The following ELFN2 variants were observed in gnomAD, a reference collection of about 807,000 sequenced individuals.
ELFN2 encodes the protein protein phosphatase 1 regulatory subunit 29.
In ELFN2, 17 loss-of-function variants were observed where a neutral mutation model predicts 45.5. The ratio of observed to expected loss-of-function variants is 0.37; its 90% CI spans 0.26 to 0.56. The LOEUF is 0.56. ELFN2 is among the 20% of genes least tolerant of loss of function. ELFN2 has a pLI of 0.77. For missense variants in ELFN2, 922 were observed against 1,183.2 expected, an observed-to-expected ratio of 0.78 and a Z score of 3.24; for synonymous variants, 550 against 551.5, an observed-to-expected ratio of 1.00 and a Z score of 0.04.
At chr22:37,359,532 A>G (rs1931030413) in intron 1 of ELFN2, among the ~76,000 whole-genome samples, 3 of 152,158 alleles carry the variant, frequency 2.0e-5, no homozygotes, top group African/African-American at 7.2e-5. Flanking sequence ...TTCAGCCAAC[A>G]TTCTCGAGCG....
At chr22:37,419,646 G>A (rs1299835395) in intron 1 of ELFN2, among the ~76,000 whole-genome samples, 2 of 152,174 alleles carry the variant, frequency 1.3e-5, no homozygotes, top group Non-Finnish European at 1.5e-5. Context: ...CCAGGGACAC[G>A]GGGCCCCCAA....
At chr22:37,342,182 G>A (rs1234152607) in intron 2 of ELFN2, among the ~76,000 whole-genome samples, 4 of 152,202 alleles carry the variant, frequency 2.6e-5, no homozygotes, top group Non-Finnish European at 5.9e-5. Context: ...GACTTGAAGA[G>A]GCACGGAGAA....
chr22:37,346,450 C>A (rs528184464), intron 1 of ELFN2, among the ~76,000 whole-genome samples: 74 of 152,218 alleles, frequency 4.9e-4, no homozygotes, highest in Non-Finnish European at 8.7e-4. Flanking sequence ...TGTCCCCACC[C>A]TACACACCCC....
chr22:37,400,529 G>C (rs1327355478), intron 2 of ELFN2, among the ~76,000 whole-genome samples: 1 of 152,228 alleles, frequency 6.6e-6, no homozygotes, highest in African/African-American at 2.4e-5. Flanking sequence ...AATTGGAAGA[G>C]CTTAAACCTC....
At chr22:37,397,811 G>A (rs1417449791) in intron 2 of ELFN2, among the ~76,000 whole-genome samples, 1 of 152,070 alleles carries the variant, frequency 6.6e-6, no homozygotes, top group East Asian at 1.9e-4. Flanking sequence ...TACCGGGCTG[G>A]GCATTTTACA....
downstream of ELFN2, among the ~76,000 whole-genome samples, chr22:37,365,801 A>AT (rs1931190530): frequency 6.6e-6 from 1 of 152,184 alleles, no homozygotes; most frequent in Non-Finnish European, 1.5e-5. Context: ...ACTTAGAGAC[A>AT]TTCGTCCAAC....
Position 37,427,254 on chromosome 22 carries a change from C to T in ELFN2, c.-614+44G>A, listed in dbSNP as rs1372463641. The T allele has an allele frequency of 3.3e-4, 7 of 21,278 alleles. No individual in the cohort carries two copies. In the Admixed American group the frequency reaches 3.5e-3, roughly 11 times the overall value. The allele number at this position is 21,278 out of a possible 1,614,324, so 1.3% of individuals were successfully genotyped here. A position where few individuals can be genotyped will look rare whatever the true frequency, so the allele number is the denominator to read the frequency against. On this transcript the variant is annotated intron_variant, in intron 1 of 2. Coordinates refer to ENST00000402918, the MANE Select transcript of ELFN2 (RefSeq NM_052906.5). Reference sequence around the variant, plus strand: ...CCAGCCCCGACTCCCACCGTCTCCCCGGTCGGTCGGTCGCGGCGCTCGGAT... The same window carrying T: ...CCAGCCCCGACTCCCACCGTCTCCCTGGTCGGTCGGTCGCGGCGCTCGGAT...
chr22:37,355,780 G>T (rs1049983268), intron 1 of ELFN2, among the ~76,000 whole-genome samples: 14 of 152,190 alleles, frequency 9.2e-5, no homozygotes, highest in African/African-American at 3.4e-4. Flanking sequence ...GGTTGCCTTT[G>T]TGCTCCGCAG....
At chr22:37,396,620 C>T (rs910928488) in intron 2 of ELFN2, among the ~76,000 whole-genome samples, 4 of 152,192 alleles carry the variant, frequency 2.6e-5, no homozygotes, top group Admixed American at 1.3e-4. Context: ...TTGAGCCCTA[C>T]GGCCTCCCAG....
chr22:37,388,386 T>A (rs1932008055), intron 2 of ELFN2, among the ~76,000 whole-genome samples: 1 of 152,124 alleles, frequency 6.6e-6, no homozygotes, highest in South Asian at 2.1e-4. Flanking sequence ...TGGACTGAGT[T>A]CCCCGAGGAA....
rs1025631684 is a variant in ELFN2, at chr22:37,348,515, G to A, written n.149-5812C>T. Among the ~76,000 whole-genome samples the A allele has an allele frequency of 1.1e-4, 16 of 150,944 alleles. 1 individual carries two copies. The highest frequency in any genetic ancestry group is 2.1e-4 in the South Asian group (1 of 4,800). Reference sequence around the variant, plus strand: ...GGGGTGGCCTTCCTGGAGTGTCTCCGAGCTGGTCAGTCCCATGGCCTTGCA... The same window carrying A: ...GGGGTGGCCTTCCTGGAGTGTCTCCAAGCTGGTCAGTCCCATGGCCTTGCA... On this transcript the variant is annotated intron_variant and non_coding_transcript_variant, in intron 1 of 2. Transcript: ENST00000452946.
chr22:37,366,938 C>A (rs1456141458), downstream of ELFN2, among the ~76,000 whole-genome samples: 2 of 152,192 alleles, frequency 1.3e-5, no homozygotes, highest in Admixed American at 1.3e-4. Flanking sequence ...CAGAGTACAA[C>A]CAACTCTTAA....
At chr22:37,399,119 G>A (rs538906971) in intron 2 of ELFN2, among the ~76,000 whole-genome samples, 1 of 152,062 alleles carries the variant, frequency 6.6e-6, no homozygotes, top group African/African-American at 2.4e-5. Context: ...ATGGGCACGT[G>A]AGCTTCTTAC....
chr22:37,423,879 T>A (rs970421818), intron 1 of ELFN2, among the ~76,000 whole-genome samples: 2 of 151,826 alleles, frequency 1.3e-5, no homozygotes, highest in Non-Finnish European at 2.9e-5. Context: ...CCAGACACCA[T>A]CTCCAGTAAT....
chr22:37,364,549 T>C (rs1931160320), downstream of ELFN2, among the ~76,000 whole-genome samples: 2 of 151,518 alleles, frequency 1.3e-5, no homozygotes, highest in South Asian at 4.2e-4. Context: ...TTCAGCCAAC[T>C]CCCATGGAGG....
At position 37,417,318 on chromosome 22, in the gene ELFN2, G is replaced by C. The variant is rs1376229424; in HGVS notation, c.-463+451C>G. 6.6e-6 allele frequency among the ~76,000 whole-genome samples: 1 copy of C among 152,150 alleles called. No homozygotes were observed. The highest frequency in any genetic ancestry group is 1.5e-5 in the Non-Finnish European group (1 of 68,028). On this transcript the variant is annotated intron_variant, in intron 2 of 2. Coordinates refer to ENST00000402918, the MANE Select transcript of ELFN2 (RefSeq NM_052906.5). This position sits in a 1 kb window ranked among gnomAD's most constrained non-coding sequence, Gnocchi z 4.5. ...TTCCCCTGCTCCCGGCTCACTTCCA[G>C]CCTCTCTCTCTACAATGGACAGACC...
intron 2 of ELFN2, among the ~76,000 whole-genome samples, chr22:37,413,248 A>C (rs1247186388): frequency 1.3e-5 from 2 of 152,116 alleles, no homozygotes; most frequent in African/African-American, 2.4e-5. Context: ...GCAGAGTAGA[A>C]AATGACCTGT....
At chr22:37,412,277 C>CAAAAAAAAA (rs56073200) in intron 2 of ELFN2, among the ~76,000 whole-genome samples, 13 of 92,254 alleles carry the variant, frequency 1.4e-4, no homozygotes, top group African/African-American at 4.4e-4. Flanking sequence ...AACTCCGTCT[C>CAAAAAAAAA]AAAAAAAAAA....
Position 37,373,119 on chromosome 22 carries a change from C to A in ELFN2, c.2416G>T (p.Asp806Tyr). The A allele has an allele frequency of 6.2e-7, 1 of 1,610,600 alleles. No individual in the cohort carries two copies. Among genetic ancestry groups the A allele is most frequent in the Non-Finnish European group, 8.5e-7 (1 of 1,177,420 alleles). ...ACCCCCTTCCAGTAATCAAGGATGT[C>A]ATGCAGATCCTCGTCCTTGGCGAAC... ...VQFAKDEDLHDILDYWKGVSA... is the reference protein window; with the variant it reads ...VQFAKDEDLHYILDYWKGVSA... The change falls in exon 3 of 3, where the codon GAC becomes TAC. Residue 806 changes from aspartate (D) to tyrosine (Y), a missense_variant. Physicochemically the swap from Asp to Tyr is radical, Grantham distance 160 (BLOSUM62 -3). Transcript: ENST00000402918.
Sources: allele counts gnomAD v4.1 joint callset (sites outside exome capture counted in the v4.1 genomes callset), GRCh38; gene constraint gnomAD v4.1.1; non-coding constraint Gnocchi (gnomAD v3.1); transcripts MANE v1.5; gene names NCBI Gene and HGNC (gene_info 2026-07-23, HGNC 2026-07-21).